IKZF2: variants seen among roughly 807,000 people sequenced by gnomAD.
The protein encoded by IKZF2 is zinc finger protein Helios.
IKZF2 carries 15 observed loss-of-function variants against 49.2 expected under a neutral mutation model. That is an observed-to-expected ratio of 0.30 (90% CI 0.20 to 0.47). IKZF2 has a LOEUF of 0.47. Among genes scored for constraint, IKZF2 ranks in the 20% least tolerant of loss-of-function variants. The probability of loss-of-function intolerance (pLI) is 1.00; values close to 1 mark genes in which losing one functional copy is unlikely to be tolerated. For missense variants in IKZF2, 567 were observed against 664.6 expected, an observed-to-expected ratio of 0.85 and a Z score of 1.61; for synonymous variants, 227 against 221.4, an observed-to-expected ratio of 1.03 and a Z score of -0.23.
intron 4 of IKZF2, among the ~76,000 whole-genome samples, chr2:213,110,164 G>A (rs6759581): frequency 0.77 from 117,574 of 151,756 alleles, 46,315 homozygotes; most frequent in Non-Finnish European, 0.85. Context: ...TATTTACTGT[G>A]GTTTAGTTGT....
chr2:213,055,165 T>G (rs1462298900), intron 5 of IKZF2, among the ~76,000 whole-genome samples: 1 of 152,114 alleles, frequency 6.6e-6, no homozygotes, highest in African/African-American at 2.4e-5. Context: ...GTTTGTATTT[T>G]ACTAGATAGG....
intron 4 of IKZF2, among the ~76,000 whole-genome samples, chr2:213,075,946 C>T (rs1313156225): frequency 6.6e-6 from 1 of 152,010 alleles, no homozygotes; most frequent in Non-Finnish European, 1.5e-5. Context: ...CACACTCTAC[C>T]AAATTTAGGT....
chr2:213,038,020 A>G (rs1699203262), intron 6 of IKZF2, among the ~76,000 whole-genome samples: 1 of 152,094 alleles, frequency 6.6e-6, no homozygotes, highest in Non-Finnish European at 1.5e-5. Context: ...CCTTAAAAAA[A>G]AAAAAAAAGT....
intron 4 of IKZF2, among the ~76,000 whole-genome samples, chr2:213,087,426 A>G (rs77012672): frequency 0.022 from 3,298 of 152,178 alleles, 123 homozygotes; most frequent in African/African-American, 0.075. Context: ...AAAAAGAAAA[A>G]GTTGTTTTAT....
intron 6 of IKZF2, among the ~76,000 whole-genome samples, chr2:213,028,109 A>C (rs1698013043): frequency 6.6e-6 from 1 of 152,166 alleles, no homozygotes; most frequent in African/African-American, 2.4e-5. Context: ...TTTTTCAAAA[A>C]TATGGGTATT....
chr2:213,139,118 T>C (rs545465992), intron 4 of IKZF2, among the ~76,000 whole-genome samples: 3 of 151,932 alleles, frequency 2.0e-5, no homozygotes, highest in Non-Finnish European at 4.4e-5. Flanking sequence ...AGCAGAAATA[T>C]AAATCACACT....
At chr2:213,147,041 G>C (rs2061098943) in intron 4 of IKZF2, among the ~76,000 whole-genome samples, 1 of 152,036 alleles carries the variant, frequency 6.6e-6, no homozygotes, top group African/African-American at 2.4e-5. Flanking sequence ...CAGCATGTAA[G>C]TTGCATCTTA....
chr2:213,109,168 A>G (rs1254893090), intron 4 of IKZF2, among the ~76,000 whole-genome samples: 1 of 152,128 alleles, frequency 6.6e-6, no homozygotes, highest in Admixed American at 6.6e-5. Flanking sequence ...AATCACTTTG[A>G]GGAGACTTAT....
intron 4 of IKZF2, among the ~76,000 whole-genome samples, chr2:213,069,731 C>T (rs1198750993): frequency 6.6e-6 from 1 of 152,106 alleles, no homozygotes; most frequent in Non-Finnish European, 1.5e-5. Context: ...TCCATTACTA[C>T]ACTGCCTAAC....
chr2:213,080,710 C>T (rs1703851954), intron 4 of IKZF2, among the ~76,000 whole-genome samples: 1 of 151,998 alleles, frequency 6.6e-6, no homozygotes, highest in South Asian at 2.1e-4. Flanking sequence ...ATCTTTAAAT[C>T]ACTGACAAAT....
chr2:213,111,371 C>T (rs1436960916), intron 4 of IKZF2, among the ~76,000 whole-genome samples: 2 of 152,048 alleles, frequency 1.3e-5, no homozygotes, highest in Non-Finnish European at 2.9e-5. Flanking sequence ...TACGCTTCTG[C>T]ATGTTCTTTA....
At chr2:213,037,547 G>A (rs1361790166) in intron 6 of IKZF2, among the ~76,000 whole-genome samples, 2 of 152,198 alleles carry the variant, frequency 1.3e-5, no homozygotes, top group Non-Finnish European at 2.9e-5. Flanking sequence ...GACTGAAAGT[G>A]GCTTTTACCT....
At chr2:213,034,346 C>T (rs1057150508) in intron 6 of IKZF2, among the ~76,000 whole-genome samples, 1 of 152,204 alleles carries the variant, frequency 6.6e-6, no homozygotes, top group Non-Finnish European at 1.5e-5. Flanking sequence ...CACAATGTGG[C>T]TGTTTGGCAC....
chr2:213,131,453 T>G (rs141263139), intron 4 of IKZF2, among the ~76,000 whole-genome samples: 64 of 152,320 alleles, frequency 4.2e-4, no homozygotes, highest in African/African-American at 1.5e-3. Flanking sequence ...ATAGTAACAC[T>G]AACTTTTAAA....
intron 4 of IKZF2, among the ~76,000 whole-genome samples, chr2:213,076,465 A>G (rs7566029): frequency 0.41 from 61,585 of 151,792 alleles, 13,167 homozygotes; most frequent in African/African-American, 0.48. Flanking sequence ...ATACAGTTAT[A>G]CTGATATAAC....
chr2:213,008,904 G>A (rs771190047), intron 8 of IKZF2, among the ~76,000 whole-genome samples: 36 of 151,964 alleles, frequency 2.4e-4, no homozygotes, highest in Non-Finnish European at 3.8e-4. Context: ...TGTCATTCTG[G>A]AGATTTTTTA....
chr2:213,148,473 T>G lies in IKZF2; in HGVS notation c.34+123A>C, dbSNP rs902499888. 7 of 668,778 alleles carry G rather than the reference T, an allele frequency of 1.0e-5. No individual in the cohort carries two copies. In the African/African-American group the frequency reaches 1.3e-4, roughly 12 times the overall value. The allele number at this position is 668,778 out of a possible 1,614,324, so 41.4% of individuals were successfully genotyped here. On this transcript the variant is annotated intron_variant, in intron 3 of 8. Transcript: ENST00000434687. ...TCTCAAACTCATTCAAAGGTGAAAT[T>G]GTGAACAGAGAGAAAAAAGAGTACA...
At chr2:213,135,880 T>G (rs1222129341) in intron 4 of IKZF2, among the ~76,000 whole-genome samples, 1 of 148,770 alleles carries the variant, frequency 6.7e-6, no homozygotes, top group Non-Finnish European at 1.5e-5. Flanking sequence ...AAACCCCGTC[T>G]CCACTAAAAA....
rs1694851481 is a variant in IKZF2, at chr2:213,000,909, T to A, written c.*6451A>T. 1.3e-5 allele frequency: 2 copies of A among 151,614 alleles called. No homozygotes were observed. Among genetic ancestry groups the A allele is most frequent in the South Asian group, 4.1e-4 (2 of 4,832 alleles). 9.4% of individuals were successfully genotyped at this position (151,614 alleles called of 1,614,324 possible). A position where few individuals can be genotyped will look rare whatever the true frequency, so the allele number is the denominator to read the frequency against. ...AAAGATTACTAATTTCCATGGAAAT[T>A]TAGCTTAAATAAAGATACCATGAGA... On this transcript the variant is annotated 3_prime_UTR_variant, in exon 9 of 9. Transcript: ENST00000434687.
Sources: gnomAD v4.1 joint callset for allele counts (sites outside exome capture counted in the v4.1 genomes callset) on GRCh38, gnomAD v4.1.1 for gene constraint, MANE v1.5 for transcripts, NCBI Gene and HGNC (gene_info 2026-07-23, HGNC 2026-07-21) for gene names.